Variants in DOCK10 observed in about 807,000 individuals in gnomAD.
DOCK10 encodes the protein dedicator of cytokinesis protein 10.
A neutral mutation model predicts 280.1 loss-of-function variants in DOCK10; 145 were observed. The ratio of observed to expected loss-of-function variants is 0.52; its 90% CI spans 0.45 to 0.59. The LOEUF is 0.59. Among genes scored for constraint, DOCK10 ranks in the 20% least tolerant of loss-of-function variants. The pLI is 0.00. For missense variants in DOCK10, 2,368 were observed against 2,651.7 expected, an observed-to-expected ratio of 0.89 and a Z score of 2.35; for synonymous variants, 915 against 942.2, an observed-to-expected ratio of 0.97 and a Z score of 0.53.
At chr2:224,813,886 A>G (rs1014872289) in intron 31 of DOCK10, among the ~76,000 whole-genome samples, 15 of 152,220 alleles carry the variant, frequency 9.9e-5, no homozygotes, top group African/African-American at 3.6e-4. Flanking sequence ...GTTTGCCTAG[A>G]CCATTTTAAG....
At chr2:224,787,511 T>A in intron 48 of DOCK10, 114 bp from the exon 49 acceptor site, 2 of 1,322,900 alleles carry the variant, frequency 1.5e-6, no homozygotes, top group Non-Finnish European at 2.1e-6. Context: ...TACTGGCATT[T>A]AAAACCCAGC....
At chr2:224,800,028 G>C in intron 41 of DOCK10, 123 bp downstream of exon 41, 1 of 548,412 alleles carries the variant, frequency 1.8e-6, no homozygotes, top group Non-Finnish European at 3.2e-6. Flanking sequence ...TCACACTTAG[G>C]TTGATTTATA....
intron 3 of DOCK10, among the ~76,000 whole-genome samples, chr2:224,913,994 C>G (rs1162334136): frequency 6.6e-6 from 1 of 152,198 alleles, no homozygotes; most frequent in Non-Finnish European, 1.5e-5. Flanking sequence ...GCCTTGGCCT[C>G]CCAAAGTGCT....
chr2:225,039,936 A>C (rs546076745), intron 1 of DOCK10, among the ~76,000 whole-genome samples: 2 of 152,320 alleles, frequency 1.3e-5, no homozygotes, highest in South Asian at 4.1e-4. Flanking sequence ...AATACCTTGC[A>C]ATAGAGGATG....
At chr2:224,824,635 T>C (rs1038555374) in intron 27 of DOCK10, among the ~76,000 whole-genome samples, 2 of 151,902 alleles carry the variant, frequency 1.3e-5, no homozygotes, top group African/African-American at 2.4e-5. Flanking sequence ...GGTTTCGTCA[T>C]GTTGGCCAGG....
chr2:224,848,025 T>C (rs1198520622), intron 19 of DOCK10, among the ~76,000 whole-genome samples: 1 of 152,084 alleles, frequency 6.6e-6, no homozygotes, highest in African/African-American at 2.4e-5. Context: ...ATAAGAGAAA[T>C]GATACAGAAG....
chr2:224,902,889 C>T (rs1020716812), intron 3 of DOCK10, among the ~76,000 whole-genome samples: 4 of 151,810 alleles, frequency 2.6e-5, no homozygotes, highest in South Asian at 4.2e-4. Flanking sequence ...GTCAGGAGAC[C>T]GAGACCATCC....
chr2:224,905,929 G>A (rs1478383882), intron 3 of DOCK10, among the ~76,000 whole-genome samples: 7 of 152,020 alleles, frequency 4.6e-5, no homozygotes, highest in African/African-American at 1.7e-4. Context: ...CAGGTTTAAA[G>A]CTTGAATTTT....
chr2:224,856,115 T>G (rs900564039), intron 15 of DOCK10, among the ~76,000 whole-genome samples: 1 of 152,208 alleles, frequency 6.6e-6, no homozygotes, highest in Admixed American at 6.5e-5. Flanking sequence ...GTCCGTTGTT[T>G]CCTTAAAGAG....
chr2:224,857,954 T>C (rs1350088945), intron 14 of DOCK10, among the ~76,000 whole-genome samples: 2 of 152,170 alleles, frequency 1.3e-5, no homozygotes, highest in Non-Finnish European at 2.9e-5. Context: ...CAGAATGATA[T>C]TTTTAGACTC....
chr2:224,872,914 C>A (rs1016278636), intron 11 of DOCK10, among the ~76,000 whole-genome samples: 1 of 151,782 alleles, frequency 6.6e-6, no homozygotes, highest in Non-Finnish European at 1.5e-5. Context: ...TTAACATAAT[C>A]AAGATTGATA....
At chr2:224,845,421 T>C (rs1411029659) in intron 20 of DOCK10, 97 bp from the exon 21 acceptor site, 3 of 1,538,514 alleles carry the variant, frequency 1.9e-6, no homozygotes, top group Non-Finnish European at 2.6e-6. Context: ...CTAAATTTCA[T>C]GAAAAATAAT....
intron 31 of DOCK10, among the ~76,000 whole-genome samples, chr2:224,812,805 G>A (rs1693871432): frequency 2.0e-5 from 3 of 152,302 alleles, no homozygotes; most frequent in South Asian, 4.1e-4. Flanking sequence ...ATTTGCGTAT[G>A]TTGAACCAGC....
Position 224,789,150 on chromosome 2 carries a change from G to A in DOCK10, c.5332C>T (p.Pro1778Ser). The A allele has an allele frequency of 3.1e-6, 5 of 1,613,132 alleles. No homozygotes were observed. The highest frequency in any genetic ancestry group is 4.2e-6 in the Non-Finnish European group (5 of 1,179,398). Residue 1778 changes from proline to serine, a missense_variant, in exon 48 of 56, where the codon CCA becomes TCA. Around this residue, in one of 2 missense-constraint regions of DOCK10, gnomAD observed 1,159 missense variants for 1,400.8 expected, o/e 0.83. Coordinates refer to ENST00000258390, the MANE Select transcript of DOCK10 (RefSeq NM_014689.3). ...TTTGGTGTAATGCTCAAAAAAGCTGGCCATCCCATAGAGAACATGCCTTGG... is the reference window on the plus strand; with the variant it reads ...TTTGGTGTAATGCTCAAAAAAGCTGACCATCCCATAGAGAACATGCCTTGG... ...SGGSMFSMGW[P>S]AFLSITPNIK...
intron 6 of DOCK10, 100 bp from the exon 7 acceptor site, chr2:224,885,905 T>C (rs1414186374): frequency 7.9e-6 from 12 of 1,515,406 alleles, no homozygotes; most frequent in South Asian, 7.8e-5. Flanking sequence ...GCTATATTTC[T>C]AGGACATTTT....
intron 1 of DOCK10, among the ~76,000 whole-genome samples, chr2:224,941,668 A>G (rs1703088585): frequency 6.6e-6 from 1 of 151,858 alleles, no homozygotes; most frequent in South Asian, 2.1e-4. Context: ...ACATGGTGAA[A>G]CCCCGTCTCT....
intron 4 of DOCK10, among the ~76,000 whole-genome samples, chr2:224,892,397 C>CAAAAAAAA (rs1174651393): frequency 6.5e-4 from 34 of 52,142 alleles, no homozygotes; most frequent in East Asian, 2.5e-3. Flanking sequence ...GACCCTGTCT[C>CAAAAAAAA]AAAAAAAAAA....
intron 18 of DOCK10, among the ~76,000 whole-genome samples, chr2:224,851,272 AT>A (rs1288604712): frequency 3.9e-5 from 6 of 152,088 alleles, no homozygotes; most frequent in Non-Finnish European, 7.4e-5. Flanking sequence ...TGTGATTGTT[AT>A]TCTTTTCTAG....
At chr2:224,862,859 G>C (rs1697610448) in intron 13 of DOCK10, 113 bp from the exon 14 acceptor site, 3 of 635,628 alleles carry the variant, frequency 4.7e-6, no homozygotes, top group South Asian at 2.9e-5. Flanking sequence ...CAGCGTAACT[G>C]TGTCTTACTA....
Sources: gnomAD v4.1 joint callset for allele counts (sites outside exome capture counted in the v4.1 genomes callset) on GRCh38, gnomAD v4.1.1 for gene constraint, gnomAD v4.1.1 regional missense constraint, MANE v1.5 for transcripts, NCBI Gene and HGNC (gene_info 2026-07-23, HGNC 2026-07-21) for gene names.